PTPRD: variants seen among roughly 807,000 people sequenced by gnomAD.
PTPRD encodes protein tyrosine phosphatase receptor type D.
PTPRD carries 34 observed loss-of-function variants against 214.5 expected under a neutral mutation model. That is an observed-to-expected ratio of 0.16 (90% confidence interval 0.12 to 0.21). PTPRD has a LOEUF of 0.21. Among genes scored for constraint, PTPRD ranks in the 10% least tolerant of loss-of-function variants. PTPRD has a pLI of 1.00. For synonymous variants in PTPRD, 1,128 were observed against 845.7 expected (o/e 1.33, Z -5.79); for missense variants, 2,545 against 2,398.7 (o/e 1.06, Z -1.27).
chr9:8,840,777 A>C (rs906262065), intron 11 of PTPRD, among the ~76,000 whole-genome samples: 1 of 152,176 alleles, frequency 6.6e-6, no homozygotes, highest in African/African-American at 2.4e-5. Context: ...ACACATAATT[A>C]AATGATTGAA....
intron 2 of PTPRD, among the ~76,000 whole-genome samples, chr9:10,356,000 T>A (rs1157509454): frequency 6.6e-6 from 1 of 152,182 alleles, no homozygotes; most frequent in Non-Finnish European, 1.5e-5. Flanking sequence ...CTTAAAATAT[T>A]AATATCTATT....
At chr9:10,238,053 C>T (rs187332275) in intron 3 of PTPRD, among the ~76,000 whole-genome samples, 5 of 151,506 alleles carry the variant, frequency 3.3e-5, no homozygotes, top group Admixed American at 2.6e-4. Context: ...AAAATCCTTT[C>T]TCTGATTCTC....
At chr9:9,118,950 G>C (rs989285969) in intron 10 of PTPRD, among the ~76,000 whole-genome samples, 1 of 152,104 alleles carries the variant, frequency 6.6e-6, no homozygotes, top group Non-Finnish European at 1.5e-5. Flanking sequence ...GGAAGTTAGA[G>C]GGCCTAAAGT....
chr9:8,453,445 T>A (rs1408125117), intron 33 of PTPRD, among the ~76,000 whole-genome samples: 2 of 152,130 alleles, frequency 1.3e-5, no homozygotes, highest in African/African-American at 4.8e-5. Flanking sequence ...ATTACAGGCG[T>A]GAGCCACCAT....
intron 9 of PTPRD, among the ~76,000 whole-genome samples, chr9:9,324,137 T>C (rs1028302277): frequency 6.6e-5 from 10 of 152,144 alleles, no homozygotes; most frequent in African/African-American, 1.4e-4. Flanking sequence ...GTGAATAGTG[T>C]TGCAATAAAC....
chr9:10,231,169 A>G (rs1308550546), intron 3 of PTPRD, among the ~76,000 whole-genome samples: 1 of 152,020 alleles, frequency 6.6e-6, no homozygotes, highest in Non-Finnish European at 1.5e-5. Flanking sequence ...ACTCCAATTA[A>G]GCGTTCAAGT....
intron 9 of PTPRD, among the ~76,000 whole-genome samples, chr9:9,339,357 GTGCC>G (rs1367599056): frequency 6.6e-6 from 1 of 151,936 alleles, no homozygotes; most frequent in Non-Finnish European, 1.5e-5. Context: ...ATGGTGGTGG[GTGCC>G]TGTAGTCCCA....
At chr9:10,035,720 C>T (rs1228158605) in intron 3 of PTPRD, among the ~76,000 whole-genome samples, 1 of 151,892 alleles carries the variant, frequency 6.6e-6, no homozygotes, top group South Asian at 2.1e-4. Context: ...AGTCCATTTC[C>T]CCCAACCCAA....
intron 4 of PTPRD, among the ~76,000 whole-genome samples, chr9:10,033,112 C>A (rs2097112797): frequency 6.6e-6 from 1 of 150,392 alleles, no homozygotes. Context: ...TGTTTCTGTA[C>A]ATGTACCTAC....
chr9:10,059,001 A>G, intron 3 of PTPRD, among the ~76,000 whole-genome samples: 2 of 152,252 alleles, frequency 1.3e-5, no homozygotes, highest in East Asian at 3.9e-4. Flanking sequence ...AATAAAATAT[A>G]TAAATAAATT....
At chr9:9,411,733 C>A (rs1482331789) in intron 8 of PTPRD, among the ~76,000 whole-genome samples, 2 of 152,212 alleles carry the variant, frequency 1.3e-5, no homozygotes, top group Non-Finnish European at 2.9e-5. Flanking sequence ...TAACTGAGAG[C>A]ATTTCTCTTA....
At chr9:8,762,067 C>T (rs2094447555) in intron 11 of PTPRD, among the ~76,000 whole-genome samples, 2 of 152,024 alleles carry the variant, frequency 1.3e-5, no homozygotes, top group Non-Finnish European at 2.9e-5. Flanking sequence ...TAAGTCTAAC[C>T]TTTTTAATGT....
intron 14 of PTPRD, among the ~76,000 whole-genome samples, chr9:8,542,056 T>G (rs953871290): frequency 6.6e-6 from 1 of 151,982 alleles, no homozygotes; most frequent in South Asian, 2.1e-4. Flanking sequence ...TTCTAAAACC[T>G]TGACCTTCTT....
intron 2 of PTPRD, among the ~76,000 whole-genome samples, chr9:10,551,025 C>A (rs2061235252): frequency 6.6e-6 from 1 of 152,168 alleles, no homozygotes; most frequent in Non-Finnish European, 1.5e-5. Flanking sequence ...GACTTTGACA[C>A]AACTCTGTCA....
At chr9:9,796,934 T>C (rs963314109) in intron 5 of PTPRD, among the ~76,000 whole-genome samples, 2 of 152,184 alleles carry the variant, frequency 1.3e-5, no homozygotes, top group African/African-American at 4.8e-5. Context: ...ATAAACTTAT[T>C]CATCATCTGA....
At chr9:10,342,684 A>G (rs1029655373) in intron 2 of PTPRD, among the ~76,000 whole-genome samples, 1 of 152,106 alleles carries the variant, frequency 6.6e-6, no homozygotes, top group African/African-American at 2.4e-5. Flanking sequence ...GGTGTTTTAT[A>G]TGTAATAAAT....
At chr9:8,389,023 A>G (rs909028799) in intron 37 of PTPRD, among the ~76,000 whole-genome samples, 2 of 145,686 alleles carry the variant, frequency 1.4e-5, no homozygotes, top group Non-Finnish European at 3.0e-5. Flanking sequence ...AACCACACAC[A>G]TCATAACATG....
At chr9:8,325,353 T>G (rs890187856) in intron 44 of PTPRD, among the ~76,000 whole-genome samples, 3,057 of 146,538 alleles carry the variant, frequency 0.021, no homozygotes, top group African/African-American at 0.075. Context: ...TAGAGGAGCC[T>G]TTCCCCATTC....
intron 2 of PTPRD, among the ~76,000 whole-genome samples, chr9:10,365,490 A>T (rs2097498776): frequency 6.6e-6 from 1 of 152,112 alleles, no homozygotes. Context: ...GTTTTTATTT[A>T]TTCTTCAAGA....
Sources: allele counts gnomAD v4.1 joint callset (sites outside exome capture counted in the v4.1 genomes callset), GRCh38; gene constraint gnomAD v4.1.1; transcripts MANE v1.5; gene names NCBI Gene and HGNC (gene_info 2026-07-23, HGNC 2026-07-21).